FREM2: variants seen among roughly 807,000 people sequenced by gnomAD.
FREM2 encodes FRAS1-related extracellular matrix protein 2.
FREM2 carries 119 observed loss-of-function variants against 219.9 expected under a neutral mutation model. The ratio of observed to expected loss-of-function variants is 0.54; its 90% CI spans 0.47 to 0.63. The LOEUF (loss-of-function observed/expected upper bound fraction) is 0.63, where lower values mean the gene tolerates loss of function less well. Ranked by LOEUF, FREM2 falls within the 30% of genes least tolerant of loss-of-function variation. FREM2 has a pLI of 0.00. For synonymous variants in FREM2, 1,562 were observed against 1,522.8 expected (o/e 1.03, Z -0.60); for missense variants, 4,030 against 3,993.6 (o/e 1.01, Z -0.25).
intron 5 of FREM2, 80 bp from the exon 6 acceptor site, chr13:38,784,477 G>A (rs888989401): frequency 2.0e-6 from 3 of 1,498,658 alleles, no homozygotes; most frequent in African/African-American, 2.8e-5. Flanking sequence ...TTAAAATGCT[G>A]TGTATGAAAA....
intron 6 of FREM2, among the ~76,000 whole-genome samples, chr13:38,819,497 G>A (rs186031949): frequency 2.0e-5 from 3 of 152,130 alleles, no homozygotes; most frequent in African/African-American, 7.2e-5. Flanking sequence ...ACCCAGAAAT[G>A]AGCCCTCAAA....
At position 38,857,860 on chromosome 13, in the gene FREM2, G is replaced by C. The variant is rs1454116430; in HGVS notation, c.7057-15G>C. The stretch of plus-strand genomic sequence containing the variant: ...AATATTTCACTAATCAGTGATAATT[G>C]TCTTTTCCTTCTAGTTGACGAAAGC... On this transcript the variant is annotated splice_polypyrimidine_tract_variant and intron_variant, in intron 12 of 23. Transcript: ENST00000280481. The C allele has an allele frequency of 1.2e-6, 2 of 1,607,276 alleles. No individual in the cohort carries two copies. The highest frequency in any genetic ancestry group is 3.3e-5 in the Admixed American group (2 of 60,008).
intron 1 of FREM2, among the ~76,000 whole-genome samples, chr13:38,694,005 A>C (rs994175510): frequency 6.6e-6 from 1 of 152,208 alleles, no homozygotes; most frequent in Non-Finnish European, 1.5e-5. Context: ...TATATTAGAT[A>C]ATAGAAAATG....
In FREM2 at chr13:38,841,937, C is replaced by T. The variant is rs539688017; in HGVS notation, c.6020-4636C>T. Among the ~76,000 whole-genome samples the T allele has an allele frequency of 1.1e-4, 17 of 152,262 alleles. No individual in the cohort carries two copies. The South Asian group carries it at 1.4e-3, about 13-fold the overall frequency. ...GAACTCAGAGACAATGGGGGACATA[C>T]GCACAGTGATGGTAGAAGTTGAGCA... On this transcript the variant is annotated intron_variant, in intron 6 of 23. Transcript: ENST00000280481.
chr13:38,745,389 C>G (rs1872423826), intron 2 of FREM2, among the ~76,000 whole-genome samples: 1 of 152,136 alleles, frequency 6.6e-6, no homozygotes, highest in South Asian at 2.1e-4. Context: ...GAACTTCTAT[C>G]CCATACTTAA....
At chr13:38,743,314 A>AATATATATATACATAC (rs903914980) in intron 2 of FREM2, among the ~76,000 whole-genome samples, 1 of 151,218 alleles carries the variant, frequency 6.6e-6, no homozygotes, top group Non-Finnish European at 1.5e-5. Context: ...GAGATATTTT[A>AATATATATATACATAC]ATATATATAT....
chr13:38,837,797 C>CTTTTTTTTTTTTTTTTTTTTTT (rs1324884346), intron 6 of FREM2, among the ~76,000 whole-genome samples: 4 of 123,694 alleles, frequency 3.2e-5, no homozygotes, highest in Admixed American at 9.3e-5. Context: ...TTTGTTTTTG[C>CTTTTTTTTTTTTTTTTTTTTTT]TTTCCATTTG....
At chr13:38,879,085 T>G (rs780823846) in intron 23 of FREM2, 108 bp downstream of exon 23, 16 of 1,035,966 alleles carry the variant, frequency 1.5e-5, no homozygotes, top group Non-Finnish European at 2.1e-5. Context: ...ATAGTAATAT[T>G]GCATACAGTT....
At chr13:38,693,192 A>C (rs1359963968) in intron 1 of FREM2, among the ~76,000 whole-genome samples, 1 of 152,238 alleles carries the variant, frequency 6.6e-6, no homozygotes, top group Non-Finnish European at 1.5e-5. Context: ...GATATACATG[A>C]AAAAGGAAAG....
chr13:38,687,661 C>T lies in FREM2; in HGVS notation c.317C>T (p.Ala106Val), dbSNP rs1363750242. The T allele has an allele frequency of 1.2e-6, 2 of 1,605,268 alleles. No homozygotes were observed. The highest frequency in any genetic ancestry group is 3.4e-5 in the Admixed American group (2 of 59,544). ...CAGGTGCAGCCCGGGGACCGCTGCGCGGTTTCGGTACTAGACAACGACGCA... is the reference window on the plus strand; with the variant it reads ...CAGGTGCAGCCCGGGGACCGCTGCGTGGTTTCGGTACTAGACAACGACGCA... ...VLQVQPGDRC[A>V]VSVLDNDALA... Residue 106 changes from alanine (A) to valine (V), a missense_variant, in exon 1 of 24, where the codon GCG (alanine) becomes GTG (valine). By Grantham distance (64) the Ala-to-Val change is moderately conservative. Transcript: ENST00000280481.
intron 2 of FREM2, among the ~76,000 whole-genome samples, chr13:38,762,496 A>G (rs1873267433): frequency 6.6e-6 from 1 of 151,832 alleles, no homozygotes; most frequent in African/African-American, 2.4e-5. Context: ...CTGGAGTGCA[A>G]TGGTGCGATC....
chr13:38,818,525 A>AT (rs1225248766), intron 6 of FREM2, among the ~76,000 whole-genome samples: 1 of 152,100 alleles, frequency 6.6e-6, no homozygotes, highest in African/African-American at 2.4e-5. Flanking sequence ...AACTGTGGTT[A>AT]TCAGAGATTG....
At chr13:38,874,346 C>T in intron 17 of FREM2, 136 bp from the exon 18 acceptor site, 1 of 718,136 alleles carries the variant, frequency 1.4e-6, no homozygotes, top group Non-Finnish European at 2.5e-6. Context: ...CTCTGTTATT[C>T]AGAATTCTTC....
intron 6 of FREM2, among the ~76,000 whole-genome samples, chr13:38,807,628 A>T (rs376502731): frequency 7.2e-5 from 11 of 152,054 alleles, no homozygotes; most frequent in Admixed American, 5.9e-4. Context: ...TATCAGAGCT[A>T]TTGGGTAACT....
intron 2 of FREM2, among the ~76,000 whole-genome samples, chr13:38,708,514 C>A (rs948435295): frequency 2.0e-5 from 3 of 151,904 alleles, no homozygotes; most frequent in Non-Finnish European, 2.9e-5. Flanking sequence ...ATTAGCTGGG[C>A]CTGGTAGCGT....
chr13:38,878,611 T>A (rs1878433995), intron 22 of FREM2, among the ~76,000 whole-genome samples: 1 of 151,732 alleles, frequency 6.6e-6, no homozygotes, highest in Non-Finnish European at 1.5e-5. Context: ...GTCAGGAAGT[T>A]CAATCTATGA....
chr13:38,861,501 C>T lies in FREM2; in HGVS notation c.7590C>T (p.Gly2530=), dbSNP rs200338297. The T allele has an allele frequency of 1.1e-3, 1,697 of 1,613,514 alleles. 2 individuals carry two copies. The highest frequency in any genetic ancestry group is 1.4e-3 in the South Asian group (131 of 91,044). ...TCTCAGCTAAATTGCGCTACACAGG[C>T]CCTGAGGATGCAGACTACACAAACC... The part of the protein sequence containing the change: ...EPFSAKLRYT[G]PEDADYTNLI... Residue 2530 remains glycine, a synonymous_variant, in exon 15 of 24, where the codon GGC becomes GGT. Coordinates refer to ENST00000280481, the MANE Select transcript of FREM2 (RefSeq NM_207361.6).
At chr13:38,745,521 A>G (rs1872430667) in intron 2 of FREM2, among the ~76,000 whole-genome samples, 1 of 152,176 alleles carries the variant, frequency 6.6e-6, no homozygotes, top group South Asian at 2.1e-4. Context: ...CATCAGGTTT[A>G]TTTCAGTTTT....
Position 38,881,070 on chromosome 13 carries a change from C to G in FREM2, c.*283C>G. The G allele has an allele frequency of 6.1e-6, 3 of 490,244 alleles. No individual in the cohort carries two copies. In the South Asian group the frequency reaches 6.2e-5, roughly 10 times the overall value. The allele number at this position is 490,244 out of a possible 1,614,324, so 30.4% of individuals were successfully genotyped here. A position where few individuals can be genotyped will look rare whatever the true frequency, so the allele number is the denominator to read the frequency against. On this transcript the variant is annotated 3_prime_UTR_variant, in exon 24 of 24. Coordinates refer to ENST00000280481, the MANE Select transcript of FREM2 (RefSeq NM_207361.6). ...ATGTACTCCTCATTTTAGACATATT[C>G]TCTATGCAGTGGAGATAAATCTATT...
Sources: gnomAD v4.1 joint callset for allele counts (sites outside exome capture counted in the v4.1 genomes callset) on GRCh38, gnomAD v4.1.1 for gene constraint, MANE v1.5 for transcripts, NCBI Gene and HGNC (gene_info 2026-07-23, HGNC 2026-07-21) for gene names.